The following CNTNAP2 variants were observed in gnomAD, a reference collection of about 807,000 sequenced individuals.
CNTNAP2 encodes contactin associated protein 2, also known as contactin-associated protein-like 2.
In CNTNAP2, 98 loss-of-function variants were observed where a neutral mutation model predicts 155.2. The observed-to-expected ratio is 0.63, with a 90% CI of 0.54 to 0.75. CNTNAP2 has a LOEUF of 0.75. Ranked by LOEUF, CNTNAP2 falls within the 30% of genes least tolerant of loss-of-function variation. The probability of loss-of-function intolerance (pLI) is 0.00; values close to 1 mark genes in which losing one functional copy is unlikely to be tolerated. For synonymous variants in CNTNAP2, 651 were observed against 631.2 expected, an observed-to-expected ratio of 1.03 and a Z score of -0.47; for missense variants, 1,727 against 1,688.1, an observed-to-expected ratio of 1.02 and a Z score of -0.40.
At chr7:146,165,861 T>C (rs1349855588) in intron 1 of CNTNAP2, among the ~76,000 whole-genome samples, 2 of 152,218 alleles carry the variant, frequency 1.3e-5, no homozygotes, top group African/African-American at 4.8e-5. Context: ...CATTAGGTCA[T>C]GATAGTTCCC....
chr7:147,308,794 G>A (rs1795075680), intron 9 of CNTNAP2, among the ~76,000 whole-genome samples: 1 of 152,114 alleles, frequency 6.6e-6, no homozygotes, highest in African/African-American at 2.4e-5. Context: ...CTTTTGATGG[G>A]TTCTCAGTCA....
chr7:148,108,218 TG>T (rs1272176740), intron 15 of CNTNAP2, among the ~76,000 whole-genome samples: 1 of 152,180 alleles, frequency 6.6e-6, no homozygotes, highest in African/African-American at 2.4e-5. Flanking sequence ...GTCCATTGCT[TG>T]GGTAACTCTA....
At chr7:147,393,516 T>A (rs1796758792) in intron 9 of CNTNAP2, among the ~76,000 whole-genome samples, 1 of 151,198 alleles carries the variant, frequency 6.6e-6, no homozygotes, top group African/African-American at 2.4e-5. Flanking sequence ...CAAATGACAG[T>A]CTTCTTAAGA....
intron 1 of CNTNAP2, among the ~76,000 whole-genome samples, chr7:146,577,388 C>G (rs938000140): frequency 6.6e-6 from 1 of 151,976 alleles, no homozygotes; most frequent in Non-Finnish European, 1.5e-5. Context: ...CCTCAAAAAT[C>G]TAATTTTTAT....
intron 9 of CNTNAP2, among the ~76,000 whole-genome samples, chr7:147,381,715 C>T (rs1307959757): frequency 6.6e-6 from 1 of 152,068 alleles, no homozygotes; most frequent in Non-Finnish European, 1.5e-5. Context: ...GTCTGCTTCT[C>T]TAATTTCTTT....
intron 3 of CNTNAP2, among the ~76,000 whole-genome samples, chr7:146,984,511 G>C (rs1798081286): frequency 1.3e-5 from 2 of 150,102 alleles, no homozygotes; most frequent in Non-Finnish European, 3.0e-5. Flanking sequence ...ATTCTCCCTT[G>C]GTGTGAAGAA....
rs1319814446 is a variant in CNTNAP2 at position 147,106,449 on chromosome 7, T to C, written c.551-1698T>C. On this transcript the variant is annotated intron_variant, in intron 4 of 23. Transcript: ENST00000361727. ...AGAAGCCAAAATTAAACGATTGATT[T>C]TTTCCCTCATATTAAAATAAACCTC... is the stretch of plus-strand genomic sequence containing the variant. 3.3e-5 allele frequency among the ~76,000 whole-genome samples: 5 copies of C among 152,058 alleles called. No individual in the cohort carries two copies. The East Asian group carries it at 9.6e-4, about 29-fold the overall frequency.
chr7:146,649,624 C>A lies in CNTNAP2; in HGVS notation c.98-124647C>A, dbSNP rs565148362. Among the ~76,000 whole-genome samples the A allele has an allele frequency of 1.1e-3, 163 of 152,174 alleles. No individual in the cohort carries two copies. The South Asian group carries it at 0.016, about 15-fold the overall frequency. On this transcript the variant is annotated intron_variant, in intron 1 of 23. Transcript: ENST00000361727. The stretch of plus-strand genomic sequence containing the variant: ...GAATAACCATCTTATTAAATAGACT[C>A]ATTTAAAACATTTTCAAAAATTTAC...
At chr7:148,102,485 T>A (rs1419223471) in intron 15 of CNTNAP2, among the ~76,000 whole-genome samples, 1 of 152,254 alleles carries the variant, frequency 6.6e-6, no homozygotes, top group African/African-American at 2.4e-5. Context: ...TTTGGATATA[T>A]ACCCAGTAAT....
rs118032370 is a variant in CNTNAP2, at chr7:146,984,731, A to G, written c.403-59176A>G. Reference sequence around the variant, plus strand: ...TATTTTTATAGTATTTCTGTCTCTAATATTTTTTCCCCATGGAAAGATTAG... The same window carrying G: ...TATTTTTATAGTATTTCTGTCTCTAGTATTTTTTCCCCATGGAAAGATTAG... On this transcript the variant is annotated intron_variant, in intron 3 of 23. Transcript: ENST00000361727. 3.3e-3 allele frequency among the ~76,000 whole-genome samples: 507 copies of G among 152,210 alleles called. 12 individuals carry two copies. The highest frequency in any genetic ancestry group is 1.9e-3 in the Non-Finnish European group (130 of 68,010).
At chr7:147,044,692 G>A (rs937074716) in intron 4 of CNTNAP2, among the ~76,000 whole-genome samples, 1 of 151,962 alleles carries the variant, frequency 6.6e-6, no homozygotes. Context: ...GAATTTGGGG[G>A]ATTATAATTC....
At chr7:147,776,284 T>C (rs896253617) in intron 13 of CNTNAP2, among the ~76,000 whole-genome samples, 3 of 147,878 alleles carry the variant, frequency 2.0e-5, no homozygotes, top group African/African-American at 7.6e-5. Flanking sequence ...TTTTTTTTCA[T>C]GCCTTGTAAA....
chr7:146,287,731 C>T (rs1253966416), intron 1 of CNTNAP2, among the ~76,000 whole-genome samples: 1 of 152,094 alleles, frequency 6.6e-6, no homozygotes, highest in Non-Finnish European at 1.5e-5. Flanking sequence ...TGACAAGATT[C>T]TCAAACTAAG....
At chr7:148,160,184 G>A (rs1805491743) in intron 17 of CNTNAP2, among the ~76,000 whole-genome samples, 1 of 152,102 alleles carries the variant, frequency 6.6e-6, no homozygotes, top group Non-Finnish European at 1.5e-5. Flanking sequence ...AGGCTGCAGT[G>A]AGCCGTAATT....
chr7:147,421,057 T>C (rs1156869340), intron 10 of CNTNAP2, among the ~76,000 whole-genome samples: 4 of 152,218 alleles, frequency 2.6e-5, no homozygotes, highest in Admixed American at 1.3e-4. Context: ...AAAAGGAACA[T>C]AGATGAAATC....
chr7:147,589,867 A>G (rs1170143867), intron 12 of CNTNAP2, among the ~76,000 whole-genome samples: 2 of 152,160 alleles, frequency 1.3e-5, no homozygotes, highest in Admixed American at 1.3e-4. Context: ...GTGACAAACT[A>G]TGTCCCAAAG....
At chr7:146,618,633 A>C (rs1384105181) in intron 1 of CNTNAP2, among the ~76,000 whole-genome samples, 1 of 152,196 alleles carries the variant, frequency 6.6e-6, no homozygotes, top group East Asian at 1.9e-4. Flanking sequence ...ATTTGTTTTA[A>C]ATTATAAGAG....
intron 13 of CNTNAP2, among the ~76,000 whole-genome samples, chr7:147,819,389 T>A (rs548424468): frequency 6.6e-6 from 1 of 152,314 alleles, no homozygotes; most frequent in South Asian, 2.1e-4. Flanking sequence ...CCATTATATA[T>A]ACGTTTCTCT....
At chr7:146,451,545 T>C (rs1796480778) in intron 1 of CNTNAP2, among the ~76,000 whole-genome samples, 1 of 152,120 alleles carries the variant, frequency 6.6e-6, no homozygotes, top group Non-Finnish European at 1.5e-5. Context: ...GCACATTAGG[T>C]ATAGTGCTCT....
Sources: gnomAD v4.1 joint callset for allele counts (sites outside exome capture counted in the v4.1 genomes callset) on GRCh38, gnomAD v4.1.1 for gene constraint, MANE v1.5 for transcripts, NCBI Gene and HGNC (gene_info 2026-07-23, HGNC 2026-07-21) for gene names.